The following P2RX2 variants were observed in gnomAD, a reference collection of about 807,000 sequenced individuals.
P2RX2 encodes the protein purinergic receptor P2X 2, also known as P2X purinoceptor 2.
P2RX2 carries 50 observed loss-of-function variants against 54.8 expected under a neutral mutation model. The ratio of observed to expected loss-of-function variants is 0.91; its 90% confidence interval spans 0.73 to 1.15. P2RX2 has a LOEUF of 1.15. Ranked by LOEUF, P2RX2 falls within the 50% of genes most tolerant of loss-of-function variation. The pLI, the probability that P2RX2 is intolerant of heterozygous loss-of-function variation, is 0.00. For missense variants in P2RX2, 658 were observed against 633.2 expected, an observed-to-expected ratio of 1.04 and a Z score of -0.42; for synonymous variants, 289 against 259.4, an observed-to-expected ratio of 1.11 and a Z score of -1.09.
At position 132,619,584 on chromosome 12, in the gene P2RX2, G is replaced by A. The variant is rs1488490641; in HGVS notation, c.309+10G>A. The A allele has an allele frequency of 3.1e-6, 5 of 1,602,916 alleles. No homozygotes were observed. The highest frequency in any genetic ancestry group is 4.3e-6 in the Non-Finnish European group (5 of 1,172,728). ...CGTGAAGCCCCCCGAGGTGCGGGCC[G>A]CCCCCTGCCCCCCGCCCCGCCGTGC... On this transcript the variant is annotated intron_variant, in intron 2 of 10. Coordinates refer to ENST00000643471, the MANE Select transcript of P2RX2 (RefSeq NM_170682.4).
chr12:132,622,144 C>G lies in P2RX2; in HGVS notation c.*172C>G. 6.9e-7 allele frequency: 1 copy of G among 1,450,026 alleles called. No homozygotes were observed. Among genetic ancestry groups the G allele is most frequent in the Non-Finnish European group, 9.0e-7 (1 of 1,108,306 alleles). The allele number at this position is 1,450,026 out of a possible 1,614,324, so 89.8% of individuals were successfully genotyped here. A position where few individuals can be genotyped will look rare whatever the true frequency, so the allele number is the denominator to read the frequency against. On this transcript the variant is annotated 3_prime_UTR_variant, in exon 11 of 11. Coordinates refer to ENST00000643471, the MANE Select transcript of P2RX2 (RefSeq NM_170682.4). ...GGCACGCTCTGGCCCCAGGCTTGTG[C>G]CCCACCCTGGCATACAGCCCCTGAC...
rs781121767 is a variant in P2RX2, at chr12:132,621,958, T to G, written c.1402T>G (p.Leu468Val). The G allele has an allele frequency of 4.3e-5, 69 of 1,613,630 alleles. No individual in the cohort carries two copies. The highest frequency in any genetic ancestry group is 5.8e-5 in the Non-Finnish European group (69 of 1,180,030). Residue 468 changes from leucine to valine, a missense_variant, in exon 11 of 11, where the codon TTG (leucine) becomes GTG (valine). Transcript: ENST00000643471. ...CTCCACACCCACAGACCCCAAAGGT[T>G]TGGCTCAACTCTGAGCTCCTTTCCA... is the stretch of plus-strand genomic sequence containing the variant. ...QASTPTDPKG[L>V]AQL
Position 132,620,431 on chromosome 12 carries a change from T to TACC in P2RX2, c.636-14_636-13insACC, listed in dbSNP as rs762437933. On this transcript the variant is annotated splice_polypyrimidine_tract_variant and intron_variant, in intron 6 of 10. Coordinates refer to ENST00000643471, the MANE Select transcript of P2RX2 (RefSeq NM_170682.4). ...TATTTGGGGTGCAGGTCTCGCCTCC[T>TACC]GCCGCCTCCTCAGGGGCAACATCGC... 2 of 1,614,084 alleles carry TACC rather than the reference T, an allele frequency of 1.2e-6. No individual in the cohort carries two copies. Among genetic ancestry groups the TACC allele is most frequent in the South Asian group, 2.2e-5 (2 of 91,072 alleles).
At chr12:132,620,872 CTG>C in intron 7 of P2RX2, 127 bp from the exon 8 acceptor site, 8 of 975,264 alleles carry the variant, frequency 8.2e-6, no homozygotes, top group Admixed American at 2.7e-5. Context: ...CAGCCTGGGA[CTG>C]ACCCGGGCTC....
chr12:132,621,650 C>T lies in P2RX2; in HGVS notation c.1094C>T (p.Thr365Ile), dbSNP rs1309414461. 5.6e-6 allele frequency: 9 copies of T among 1,613,652 alleles called. No homozygotes were observed. The highest frequency in any genetic ancestry group is 1.3e-5 in the African/African-American group (1 of 74,932). Residue 365 changes from threonine (T) to isoleucine (I), a missense_variant, in exon 11 of 11, where the codon ACA (threonine) becomes ATA (isoleucine). Thr to Ile is a moderately conservative substitution (Grantham distance 89). Transcript: ENST00000643471. ...GSFLCDWILL[T>I]FMNKNKVYSH... ...TTCCTGTGCGACTGGATCTTGCTAACATTCATGAACAAAAACAAGGTCTAC... is the reference window on the plus strand; with the variant it reads ...TTCCTGTGCGACTGGATCTTGCTAATATTCATGAACAAAAACAAGGTCTAC...
intron 6 of P2RX2, 29 bp downstream of exon 6, chr12:132,620,376 CAG>C: frequency 6.2e-7 from 1 of 1,613,868 alleles, no homozygotes; most frequent in Middle Eastern, 1.6e-4. Flanking sequence ...GGTGACGGCC[CAG>C]CCTGAGGGCT....
intron 1 of P2RX2, 51 bp downstream of exon 1, chr12:132,619,040 G>A: frequency 9.1e-7 from 1 of 1,094,982 alleles, no homozygotes; most frequent in Non-Finnish European, 1.1e-6. Context: ...CAGGGGAGGG[G>A]CTGGGATTGG....
chr12:132,621,026 A>G lies in P2RX2; in HGVS notation c.800A>G (p.Asn267Ser), dbSNP rs1555299075. ...GGTGGTGTCATCGGGGTCATTATCA[A>G]CTGGGACTGTGACCTGGACCTGCCT... is the stretch of plus-strand genomic sequence containing the variant. Reference protein sequence around the residue: ...HKGGVIGVIINWDCDLDLPAS... With the variant: ...HKGGVIGVIISWDCDLDLPAS... Residue 267 changes from asparagine (N) to serine (S), a missense_variant, in exon 8 of 11, where the codon AAC becomes AGC. Transcript: ENST00000643471. 2 of 1,614,106 alleles carry G rather than the reference A, an allele frequency of 1.2e-6. No homozygotes were observed. The highest frequency in any genetic ancestry group is 2.2e-5 in the East Asian group (1 of 44,874).
chr12:132,622,342 C>G lies in P2RX2; in HGVS notation c.*370C>G. ...TAACCTTGAATCTGCCCAGACTCTT[C>G]CCTTAGAAGTCACAACATACTCAGT... is the stretch of plus-strand genomic sequence containing the variant. On this transcript the variant is annotated 3_prime_UTR_variant, in exon 11 of 11. Transcript: ENST00000643471. The G allele has an allele frequency of 3.7e-6, 2 of 542,298 alleles. No individual in the cohort carries two copies. Among genetic ancestry groups the G allele is most frequent in the Non-Finnish European group, 5.3e-6 (2 of 380,806 alleles). The allele number at this position is 542,298 out of a possible 1,614,324, so 33.6% of individuals were successfully genotyped here. A position where few individuals can be genotyped will look rare whatever the true frequency, so the allele number is the denominator to read the frequency against.
chr12:132,619,957 G>C (rs1285202318), intron 4 of P2RX2, 38 bp downstream of exon 4: 1 of 1,572,528 alleles, frequency 6.4e-7, no homozygotes, highest in East Asian at 2.3e-5. Context: ...GGGTGGGGCA[G>C]GGCTGCGTCC....
chr12:132,621,259 G>A lies in P2RX2; in HGVS notation c.910G>A (p.Ala304Thr), dbSNP rs1555299245. 3.7e-6 allele frequency: 6 copies of A among 1,614,020 alleles called. No individual in the cohort carries two copies. The highest frequency in any genetic ancestry group is 4.2e-6 in the Non-Finnish European group (5 of 1,179,952). The change falls in exon 9 of 11, where the codon GCC (alanine) becomes ACC (threonine). Residue 304 changes from alanine (A) to threonine (T), a missense_variant. Transcript: ENST00000643471. Reference protein sequence around the residue: ...PASSGYNFRFAKYYKINGTTT... With the variant: ...PASSGYNFRFTKYYKINGTTT... ...GCACTGGCGTTCCCATTGCAGGTTT[G>A]CCAAATACTACAAGATCAATGGCAC...
At position 132,621,897 on chromosome 12, in the gene P2RX2, G is replaced by A. The variant is rs935024662; in HGVS notation, c.1341G>A (p.Gln447=). ...GCCCCATCTCTGCCCCTTCTGAGCAGATGGTGGACACTCCTGCCTCCGAGC... is the reference window on the plus strand; with the variant it reads ...GCCCCATCTCTGCCCCTTCTGAGCAAATGGTGGACACTCCTGCCTCCGAGC... ...RPCPISAPSE[Q]MVDTPASEPA... The change falls in exon 11 of 11, where the codon CAG becomes CAA. Residue 447 remains glutamine (Q), a synonymous_variant. Coordinates refer to ENST00000643471, the MANE Select transcript of P2RX2 (RefSeq NM_170682.4). 1 of 1,613,694 alleles carries A rather than the reference G, an allele frequency of 6.2e-7. No individual in the cohort carries two copies.
In P2RX2 at chr12:132,622,041, G is replaced by C. The variant is rs1055452240; in HGVS notation, c.*69G>C. ...CCAGAGAGTCCCCAGCTAGGGACCTGCACGTGGACGTGGGCACCTCAGTAG... is the reference window on the plus strand; with the variant it reads ...CCAGAGAGTCCCCAGCTAGGGACCTCCACGTGGACGTGGGCACCTCAGTAG... On this transcript the variant is annotated 3_prime_UTR_variant, in exon 11 of 11. Transcript: ENST00000643471. The C allele has an allele frequency of 1.2e-6, 2 of 1,600,424 alleles. No individual in the cohort carries two copies. The highest frequency in any genetic ancestry group is 1.7e-6 in the Non-Finnish European group (2 of 1,174,590).
chr12:132,621,768 C>G lies in P2RX2; in HGVS notation c.1212C>G (p.Pro404=), dbSNP rs749997627. 18 of 1,600,928 alleles carry G rather than the reference C, an allele frequency of 1.1e-5. No homozygotes were observed. Among genetic ancestry groups the G allele is most frequent in the Non-Finnish European group, 1.2e-5 (14 of 1,172,362 alleles). ...CCCGTGTATTGGGCCAGGCCCCTCC[C>G]GAACCCGGCCACCGCTCCGAGGACC... is the stretch of plus-strand genomic sequence containing the variant. ...TLARVLGQAP[P]EPGHRSEDQH... Residue 404 remains proline (P), a synonymous_variant, in exon 11 of 11, where the codon CCC becomes CCG. Transcript: ENST00000643471.
chr12:132,620,218 G>C (rs778874060), intron 5 of P2RX2, 49 bp from the exon 6 acceptor site: 2 of 1,564,408 alleles, frequency 1.3e-6, no homozygotes, highest in Non-Finnish European at 1.8e-6. Flanking sequence ...ATGCCAGGCG[G>C]GGGCTTTGCG....
Position 132,620,325 on chromosome 12 carries a change from T to C in P2RX2, c.613T>C (p.Tyr205His). ...FTILIKNSIH[Y>H]PKFHFSKGNI... ...CATCCTCATCAAGAACAGCATCCACTACCCCAAATTCCACTTCTCCAAGTA... is the reference window on the plus strand; with the variant it reads ...CATCCTCATCAAGAACAGCATCCACCACCCCAAATTCCACTTCTCCAAGTA... Residue 205 changes from tyrosine to histidine, a missense_variant, in exon 6 of 11, where the codon TAC becomes CAC. Transcript: ENST00000643471. The C allele has an allele frequency of 6.2e-7, 1 of 1,614,046 alleles. No individual in the cohort carries two copies. Among genetic ancestry groups the C allele is most frequent in the Non-Finnish European group, 8.5e-7 (1 of 1,179,920 alleles).
rs560076575 is a variant in P2RX2, at chr12:132,620,169, G to A, written c.554+73G>A. 8.0e-5 allele frequency: 121 copies of A among 1,504,350 alleles called. No individual in the cohort carries two copies. The African/African-American group carries it at 1.3e-3, about 16-fold the overall frequency. The allele number at this position is 1,504,350 out of a possible 1,614,324, so 93.2% of individuals were successfully genotyped here. A position where few individuals can be genotyped will look rare whatever the true frequency, so the allele number is the denominator to read the frequency against. ...TCCCCTGACCAGAGGCCAAACGGGC[G>A]GGGCAGGAGTGACAAGATCTGGGGA... is the stretch of plus-strand genomic sequence containing the variant. On this transcript the variant is annotated intron_variant, in intron 5 of 10. Coordinates refer to ENST00000643471, the MANE Select transcript of P2RX2 (RefSeq NM_170682.4).
In P2RX2 at chr12:132,619,368, C is replaced by T. The variant is rs753598073; in HGVS notation, c.174-71C>T. 25 of 1,582,716 alleles carry T rather than the reference C, an allele frequency of 1.6e-5. 1 individual carries two copies. The highest frequency in any genetic ancestry group is 1.1e-4 in the African/African-American group (8 of 73,686). ...GCGGACCCGGGTCGCGGGAGGGCCC[C>T]TGCCGTGCCTGCGGGCGGGACTCAG... On this transcript the variant is annotated intron_variant, in intron 1 of 10. Transcript: ENST00000643471.
Position 132,620,312 on chromosome 12 carries a change from G to C in P2RX2, c.600G>C (p.Lys200Asn), listed in dbSNP as rs1156455307. 2 of 1,614,020 alleles carry C rather than the reference G, an allele frequency of 1.2e-6. No individual in the cohort carries two copies. The highest frequency in any genetic ancestry group is 4.5e-5 in the East Asian group (2 of 44,886). The stretch of plus-strand genomic sequence containing the variant: ...CCCCAAATTTCACCATCCTCATCAA[G>C]AACAGCATCCACTACCCCAAATTCC... ...TMAPNFTILIKNSIHYPKFHF... is the reference protein window; with the variant it reads ...TMAPNFTILINNSIHYPKFHF... Residue 200 changes from lysine to asparagine, a missense_variant, in exon 6 of 11, where the codon AAG (lysine) becomes AAC (asparagine). Transcript: ENST00000643471.
Sources: gnomAD v4.1 joint callset for allele counts on GRCh38, gnomAD v4.1.1 for gene constraint, MANE v1.5 for transcripts, NCBI Gene and HGNC (gene_info 2026-07-23, HGNC 2026-07-21) for gene names.